Variants in PITPNC1 observed in about 807,000 individuals in gnomAD.
PITPNC1 encodes phosphatidylinositol transfer protein cytoplasmic 1, also known as cytoplasmic phosphatidylinositol transfer protein 1.
A neutral mutation model predicts 44.7 loss-of-function variants in PITPNC1; 18 were observed. The ratio of observed to expected loss-of-function variants is 0.40; its 90% CI spans 0.28 to 0.60. The LOEUF is 0.60. Ranked by LOEUF, PITPNC1 falls within the 20% of genes least tolerant of loss-of-function variation. The probability of loss-of-function intolerance (pLI) is 0.39; values close to 1 mark genes in which losing one functional copy is unlikely to be tolerated. For synonymous variants in PITPNC1, 141 were observed against 149.6 expected (o/e 0.94, Z 0.42); for missense variants, 290 against 418.4 (o/e 0.69, Z 2.68).
At chr17:67,491,175 A>G (rs933185425) in intron 1 of PITPNC1, among the ~76,000 whole-genome samples, 2 of 152,208 alleles carry the variant, frequency 1.3e-5, no homozygotes, top group Non-Finnish European at 2.9e-5. Flanking sequence ...AGCCAGCCCC[A>G]TAGTGTGTGG....
intron 1 of PITPNC1, among the ~76,000 whole-genome samples, chr17:67,476,379 G>C (rs2039628860): frequency 6.6e-6 from 1 of 151,916 alleles, no homozygotes; most frequent in African/African-American, 2.4e-5. Flanking sequence ...TGGAGACGGG[G>C]TTTCCCCATG....
At chr17:67,456,918 G>C (rs1351908965) in intron 1 of PITPNC1, 1 of 151,870 alleles carries the variant, frequency 6.6e-6, no homozygotes, top group Non-Finnish European at 1.5e-5. Flanking sequence ...GCTTAGTATA[G>C]AATCTCCCCT....
intron 1 of PITPNC1, among the ~76,000 whole-genome samples, chr17:67,434,816 A>C (rs1342522416): frequency 6.6e-6 from 1 of 150,852 alleles, no homozygotes; most frequent in South Asian, 2.1e-4. Flanking sequence ...AAAAAAAATA[A>C]AAAAATAAAA....
chr17:67,391,060 CGT>C lies in PITPNC1; in HGVS notation c.48+12883_48+12884del, dbSNP rs80236076. Reference sequence around the variant, plus strand: ...CAGATTGATCTAATGACTTTTTTAGCGTGTGTGTGTGTGTGTGTGTGTGTGTT... The same window carrying C: ...CAGATTGATCTAATGACTTTTTTAGCGTGTGTGTGTGTGTGTGTGTGTGTT... On this transcript the variant is annotated intron_variant, in intron 1 of 8. Coordinates refer to ENST00000581322, the MANE Select transcript of PITPNC1 (RefSeq NM_012417.4). 3.9e-3 allele frequency among the ~76,000 whole-genome samples: 575 copies of C among 146,598 alleles called. 8 individuals carry two copies. Among genetic ancestry groups the C allele is most frequent in the African/African-American group, 2.3e-3 (89 of 39,450 alleles).
intron 8 of PITPNC1, among the ~76,000 whole-genome samples, chr17:67,677,600 C>T (rs1351713704): frequency 1.3e-5 from 2 of 151,194 alleles, no homozygotes; most frequent in African/African-American, 4.9e-5. Context: ...CAGAGTCTCG[C>T]ACTGTCGTAC....
At chr17:67,607,693 A>G (rs1051993206) in intron 5 of PITPNC1, among the ~76,000 whole-genome samples, 3 of 151,076 alleles carry the variant, frequency 2.0e-5, no homozygotes, top group Admixed American at 6.6e-5. Context: ...TTTGAGAGTC[A>G]TATACAGACA....
At chr17:67,557,613 A>G (rs569794662) in intron 4 of PITPNC1, among the ~76,000 whole-genome samples, 9 of 152,082 alleles carry the variant, frequency 5.9e-5, no homozygotes, top group Non-Finnish European at 1.0e-4. Context: ...CTCTGGCTCT[A>G]GTGCAGTCCT....
At chr17:67,486,441 C>G (rs2039779022) in intron 1 of PITPNC1, among the ~76,000 whole-genome samples, 1 of 152,220 alleles carries the variant, frequency 6.6e-6, no homozygotes, top group African/African-American at 2.4e-5. Flanking sequence ...TGTAGTCTTG[C>G]TAAGCTTGTG....
chr17:67,662,990 G>T (rs2042370301), intron 6 of PITPNC1, among the ~76,000 whole-genome samples: 1 of 152,120 alleles, frequency 6.6e-6, no homozygotes, highest in Non-Finnish European at 1.5e-5. Context: ...GCACAGTGAT[G>T]AACATATGAG....
chr17:67,388,786 G>A (rs780883168), intron 1 of PITPNC1, among the ~76,000 whole-genome samples: 3 of 151,330 alleles, frequency 2.0e-5, no homozygotes, highest in Non-Finnish European at 4.4e-5. Flanking sequence ...ACACCTGGCT[G>A]GTCTTGTATT....
chr17:67,537,564 G>A (rs1399612985), intron 2 of PITPNC1, among the ~76,000 whole-genome samples: 1 of 152,126 alleles, frequency 6.6e-6, no homozygotes, highest in Non-Finnish European at 1.5e-5. Flanking sequence ...TAGACAAATA[G>A]TGAAACATAC....
intron 1 of PITPNC1, among the ~76,000 whole-genome samples, chr17:67,412,401 C>T (rs767336240): frequency 6.6e-6 from 1 of 152,084 alleles, no homozygotes; most frequent in African/African-American, 2.4e-5. Flanking sequence ...TTCTCCAACT[C>T]GACTGGAGAC....
At chr17:67,608,351 A>C (rs1238854331) in intron 5 of PITPNC1, among the ~76,000 whole-genome samples, 4 of 152,136 alleles carry the variant, frequency 2.6e-5, no homozygotes, top group Admixed American at 2.0e-4. Context: ...CAACCTGAGC[A>C]ACATAGTGAG....
At chr17:67,538,046 G>A (rs2040553797) in intron 2 of PITPNC1, among the ~76,000 whole-genome samples, 1 of 151,234 alleles carries the variant, frequency 6.6e-6, no homozygotes, top group Non-Finnish European at 1.5e-5. Flanking sequence ...TTGAAGGAGG[G>A]GCTTGACCTA....
chr17:67,486,114 TTTTTA>T (rs1476644347), intron 1 of PITPNC1, among the ~76,000 whole-genome samples: 32 of 152,196 alleles, frequency 2.1e-4, no homozygotes, highest in African/African-American at 7.5e-4. Flanking sequence ...CTGCTAGAGG[TTTTTA>T]TTTTATTTTT....
At chr17:67,423,731 TG>T (rs1306477229) in intron 1 of PITPNC1, among the ~76,000 whole-genome samples, 1 of 152,100 alleles carries the variant, frequency 6.6e-6, no homozygotes, top group Non-Finnish European at 1.5e-5. Context: ...GGAAGAAAGT[TG>T]CTAAAGAAAA....
At chr17:67,409,359 CA>C (rs1437818750) in intron 1 of PITPNC1, among the ~76,000 whole-genome samples, 15 of 152,178 alleles carry the variant, frequency 9.9e-5, no homozygotes, top group Non-Finnish European at 2.2e-4. Flanking sequence ...GCTGGGATTA[CA>C]GGCGTGAGCC....
At chr17:67,543,991 T>C (rs1347729895) in intron 2 of PITPNC1, among the ~76,000 whole-genome samples, 2 of 152,182 alleles carry the variant, frequency 1.3e-5, no homozygotes, top group Non-Finnish European at 2.9e-5. Context: ...GCTGGGATTA[T>C]AGACACCTGC....
At chr17:67,663,536 C>T (rs142196557) in intron 6 of PITPNC1, among the ~76,000 whole-genome samples, 4,117 of 151,740 alleles carry the variant, frequency 0.027, 162 homozygotes, top group Admixed American at 0.096. Flanking sequence ...CCACTACACT[C>T]CAGCCTGGGC....
Sources: allele counts gnomAD v4.1 joint callset (sites outside exome capture counted in the v4.1 genomes callset), GRCh38; gene constraint gnomAD v4.1.1; transcripts MANE v1.5; gene names NCBI Gene and HGNC (gene_info 2026-07-23, HGNC 2026-07-21).